The following AP2A1 variants were observed in gnomAD, a reference collection of about 807,000 sequenced individuals.
The protein encoded by AP2A1 is adaptor related protein complex 2 subunit alpha 1.
Under a neutral mutation model 107.3 loss-of-function variants are expected in AP2A1, and 21 were observed. The observed-to-expected ratio is 0.20, with a 90% confidence interval of 0.14 to 0.28. The LOEUF is 0.28. Ranked by LOEUF, AP2A1 falls within the 10% of genes least tolerant of loss-of-function variation. The probability of loss-of-function intolerance (pLI) is 1.00; values close to 1 mark genes in which losing one functional copy is unlikely to be tolerated. For missense variants in AP2A1, 873 were observed against 1,307.7 expected, an observed-to-expected ratio of 0.67 and a Z score of 5.13; for synonymous variants, 602 against 564.8, an observed-to-expected ratio of 1.07 and a Z score of -0.93.
intron 11 of AP2A1, 56 bp downstream of exon 11, chr19:49,800,206 A>G: frequency 6.5e-7 from 1 of 1,537,584 alleles, no homozygotes; most frequent in Non-Finnish European, 8.8e-7. Flanking sequence ...GAGGCAGAGC[A>G]AGGATGGCCG....
intron 6 of AP2A1, among the ~76,000 whole-genome samples, chr19:49,795,378 C>T (rs2073199231): frequency 1.3e-5 from 2 of 152,160 alleles, no homozygotes; most frequent in South Asian, 4.1e-4. Context: ...TTGCATTGGT[C>T]GGGCATGGTG....
At chr19:49,789,806 G>T (rs1568580800) in intron 4 of AP2A1, among the ~76,000 whole-genome samples, 1 of 152,158 alleles carries the variant, frequency 6.6e-6, no homozygotes, top group Non-Finnish European at 1.5e-5. Flanking sequence ...GCCCATCAGA[G>T]AGGGTCAGTG....
chr19:49,801,660 C>A (rs745695566), intron 13 of AP2A1, 39 bp downstream of exon 13: 3 of 1,449,106 alleles, frequency 2.1e-6, no homozygotes, highest in African/African-American at 1.5e-5. Flanking sequence ...CTCTTGCACA[C>A]CCCCTTCCCG....
chr19:49,767,241 G>A (rs2084511923), intron 1 of AP2A1, 41 bp downstream of exon 1: 1 of 1,605,484 alleles, frequency 6.2e-7, no homozygotes, highest in African/African-American at 1.3e-5. Flanking sequence ...GCGGGGGAGG[G>A]GGGAGCGTGA....
At chr19:49,780,511 G>A (rs1038281876) in intron 1 of AP2A1, among the ~76,000 whole-genome samples, 2 of 152,142 alleles carry the variant, frequency 1.3e-5, no homozygotes, top group East Asian at 1.9e-4. Flanking sequence ...GGGTGACACC[G>A]GCAGGGTTGC....
At chr19:49,777,762 C>T (rs1247630752) in intron 1 of AP2A1, among the ~76,000 whole-genome samples, 1 of 151,610 alleles carries the variant, frequency 6.6e-6, no homozygotes, top group Non-Finnish European at 1.5e-5. Context: ...CCTATCTCTA[C>T]AAAAAATAGA....
intron 1 of AP2A1, among the ~76,000 whole-genome samples, chr19:49,769,885 T>C (rs570204910): frequency 9.9e-4 from 150 of 152,036 alleles, no homozygotes; most frequent in African/African-American, 3.2e-3. Context: ...TGATACATTT[T>C]TTTTTCCGAG....
chr19:49,799,938 C>T, intron 10 of AP2A1, 30 bp from the exon 11 acceptor site: 1 of 1,606,948 alleles, frequency 6.2e-7, no homozygotes, highest in Non-Finnish European at 8.5e-7. Flanking sequence ...TGGCCTGCGG[C>T]ACACTCTCTC....
chr19:49,775,294 A>G (rs765493507), intron 1 of AP2A1, among the ~76,000 whole-genome samples: 1 of 152,170 alleles, frequency 6.6e-6, no homozygotes, highest in Non-Finnish European at 1.5e-5. Context: ...TTACCCTAGT[A>G]TATCCAAACT....
At chr19:49,795,493 CA>C (rs904222076) in intron 6 of AP2A1, 136 bp from the exon 7 acceptor site, 50 of 642,450 alleles carry the variant, frequency 7.8e-5, no homozygotes, top group Middle Eastern at 2.7e-4. Context: ...CCTGTCTCTA[CA>C]AAAAAAACCC....
chr19:49,791,932 C>T lies in AP2A1; in HGVS notation c.474-3C>T, dbSNP rs1403408085. 1.2e-6 allele frequency: 2 copies of T among 1,605,908 alleles called. No individual in the cohort carries two copies. The highest frequency in any genetic ancestry group is 1.3e-5 in the African/African-American group (1 of 74,704). On this transcript the variant is annotated splice_region_variant and splice_polypyrimidine_tract_variant and intron_variant, in intron 4 of 22. Transcript: ENST00000354293. ...TCCCCTGCCCTGCATGGTGTCCCCA[C>T]AGGGACAGCATGGACAGTGTCAAGC... is the stretch of plus-strand genomic sequence containing the variant.
chr19:49,806,555 T>C, intron 22 of AP2A1, 126 bp from the exon 23 acceptor site: 1 of 1,495,156 alleles, frequency 6.7e-7, no homozygotes, highest in South Asian at 1.3e-5. Flanking sequence ...GTCTTACATT[T>C]TTCTCTCCTG....
At chr19:49,784,638 G>A (rs955072640) in intron 4 of AP2A1, among the ~76,000 whole-genome samples, 1 of 152,152 alleles carries the variant, frequency 6.6e-6, no homozygotes, top group Admixed American at 6.5e-5. Context: ...GGCACTTTGG[G>A]AGGCTGAGGT....
intron 1 of AP2A1, among the ~76,000 whole-genome samples, chr19:49,767,826 T>C (rs968025091): frequency 6.6e-6 from 1 of 151,216 alleles, no homozygotes; most frequent in African/African-American, 2.4e-5. Context: ...TGGTGAAGGA[T>C]AGAGGGGCTT....
chr19:49,778,539 C>T (rs1304736329), intron 1 of AP2A1, among the ~76,000 whole-genome samples: 4 of 152,120 alleles, frequency 2.6e-5, no homozygotes, highest in African/African-American at 4.8e-5. Context: ...GCTGAGATCA[C>T]GCCATTGCTC....
intron 11 of AP2A1, 150 bp downstream of exon 11, chr19:49,800,300 C>A: frequency 2.0e-6 from 2 of 992,990 alleles, no homozygotes; most frequent in South Asian, 1.7e-5. Flanking sequence ...CCTCTCTGGG[C>A]CAACCCAGGG....
intron 18 of AP2A1, 75 bp from the exon 19 acceptor site, chr19:49,805,362 GGCGGGAGCTGCCGGGA>G: frequency 7.2e-7 from 1 of 1,396,284 alleles, no homozygotes; most frequent in South Asian, 1.5e-5. Context: ...AAGACCTGCA[GGCGGGAGCTGCCGGGA>G]GCTCTGGGGT....
chr19:49,775,737 G>A (rs2084611196), intron 1 of AP2A1, among the ~76,000 whole-genome samples: 1 of 152,164 alleles, frequency 6.6e-6, no homozygotes, highest in South Asian at 2.1e-4. Context: ...GGGCTGCTGG[G>A]GCTTGTACAG....
intron 4 of AP2A1, among the ~76,000 whole-genome samples, chr19:49,791,220 A>G (rs2123718373): frequency 6.6e-6 from 1 of 152,190 alleles, no homozygotes; most frequent in East Asian, 1.9e-4. Flanking sequence ...TGTTTTGTTT[A>G]TTTTTAAATT....
Sources: allele counts gnomAD v4.1 joint callset (sites outside exome capture counted in the v4.1 genomes callset), GRCh38; gene constraint gnomAD v4.1.1; transcripts MANE v1.5; gene names NCBI Gene and HGNC (gene_info 2026-07-23, HGNC 2026-07-21).